The following MDN1 variants were observed in gnomAD, a reference collection of about 807,000 sequenced individuals.
MDN1 encodes the protein midasin AAA ATPase 1.
A neutral mutation model predicts 669.2 loss-of-function variants in MDN1; 266 were observed. That is an observed-to-expected ratio of 0.40 (90% CI 0.36 to 0.44). MDN1 has a LOEUF of 0.44. MDN1 is among the 20% of genes least tolerant of loss of function. MDN1 has a pLI of 1.00. For synonymous variants in MDN1, 2,385 were observed against 2,457.1 expected, an observed-to-expected ratio of 0.97 and a Z score of 0.87; for missense variants, 5,940 against 6,754.0, an observed-to-expected ratio of 0.88 and a Z score of 4.22.
Position 89,785,008 on chromosome 6 carries a change from G to A in MDN1, c.1449+4C>T, listed in dbSNP as rs758811291. 6.3e-6 allele frequency: 10 copies of A among 1,590,678 alleles called. No homozygotes were observed. Among genetic ancestry groups the A allele is most frequent in the South Asian group, 3.3e-5 (3 of 90,566 alleles). On this transcript the variant is annotated splice_donor_region_variant and intron_variant, in intron 9 of 101. Transcript: ENST00000369393. The stretch of plus-strand genomic sequence containing the variant: ...AGCATTGATACTTTCCAAGACCCAC[G>A]TACCTCATTCAGTTCTCTCTTATCC...
At chr6:89,812,037 A>T (rs1455241496) in intron 1 of MDN1, among the ~76,000 whole-genome samples, 1 of 151,242 alleles carries the variant, frequency 6.6e-6, no homozygotes, top group African/African-American at 2.4e-5. Flanking sequence ...CCCTGGCTGG[A>T]GTGCAGTGCC....
intron 16 of MDN1, among the ~76,000 whole-genome samples, chr6:89,762,103 TACTG>T (rs1817574551): frequency 6.6e-6 from 1 of 152,220 alleles, no homozygotes; most frequent in Non-Finnish European, 1.5e-5. Context: ...AAATGTGCCT[TACTG>T]ACCACTAAAT....
chr6:89,646,192 G>C (rs1808481377), intron 100 of MDN1, among the ~76,000 whole-genome samples: 1 of 152,170 alleles, frequency 6.6e-6, no homozygotes. Context: ...TGTGTAAGTA[G>C]ACCTGATCTG....
At position 89,799,934 on chromosome 6, in the gene MDN1, T is replaced by G. The variant is rs540148912; in HGVS notation, c.329+3394A>C. 5.9e-5 allele frequency among the ~76,000 whole-genome samples: 9 copies of G among 152,216 alleles called. No homozygotes were observed. The South Asian group carries it at 1.9e-3, about 32-fold the overall frequency. ...TCAATCACACCTGAGTTTATGTTAA[T>G]GAGGTGACAATGGGAAAGTCCCTAA... is the stretch of plus-strand genomic sequence containing the variant. On this transcript the variant is annotated intron_variant, in intron 2 of 101. Transcript: ENST00000369393.
intron 22 of MDN1, among the ~76,000 whole-genome samples, chr6:89,753,072 GAGA>G (rs1817038900): frequency 1.3e-5 from 2 of 151,942 alleles, no homozygotes; most frequent in Non-Finnish European, 2.9e-5. Context: ...GCCGTGAGCT[GAGA>G]TTACACTACT....
chr6:89,778,887 AAAATAAAT>A lies in MDN1; in HGVS notation c.1725+1317_1725+1324del, dbSNP rs548314772. Among the ~76,000 whole-genome samples the A allele has an allele frequency of 1.3e-3, 169 of 130,344 alleles. 1 individual carries two copies. The highest frequency in any genetic ancestry group is 4.4e-3 in the African/African-American group (154 of 35,054). The allele number at this position is 130,344 out of a possible 152,430, so 85.5% of individuals were successfully genotyped here. On this transcript the variant is annotated intron_variant, in intron 11 of 101. Transcript: ENST00000369393. ...GGTAATAGAGCGAGACTATGTCTCAAAAATAAATAAATAAATAAATAAATAAATAAATA... is the reference window on the plus strand; with the variant it reads ...GGTAATAGAGCGAGACTATGTCTCAAAAATAAATAAATAAATAAATAAATA...
chr6:89,693,260 A>G (rs1365124414), intron 62 of MDN1, 112 bp from the exon 63 acceptor site: 2 of 683,578 alleles, frequency 2.9e-6, no homozygotes, highest in Admixed American at 3.0e-5. Flanking sequence ...CTGCGAAATA[A>G]TATTTCCAAT....
At chr6:89,656,912 A>G in intron 90 of MDN1, 111 bp from the exon 91 acceptor site, 2 of 906,694 alleles carry the variant, frequency 2.2e-6, no homozygotes, top group Non-Finnish European at 3.4e-6. Flanking sequence ...ATTCTCAGTC[A>G]TATAATCACT....
intron 59 of MDN1, among the ~76,000 whole-genome samples, chr6:89,698,302 T>C (rs1211490970): frequency 3.3e-5 from 5 of 152,224 alleles, no homozygotes; most frequent in Non-Finnish European, 7.3e-5. Flanking sequence ...TGGACAAAGA[T>C]GTATACTAGG....
intron 13 of MDN1, 133 bp from the exon 14 acceptor site, chr6:89,772,854 C>G: frequency 3.1e-6 from 3 of 974,988 alleles, no homozygotes; most frequent in Non-Finnish European, 4.4e-6. Flanking sequence ...CAAGCTATAC[C>G]AGATAATCTT....
At chr6:89,779,869 C>T (rs932841655) in intron 11 of MDN1, among the ~76,000 whole-genome samples, 2 of 151,962 alleles carry the variant, frequency 1.3e-5, no homozygotes, top group Non-Finnish European at 2.9e-5. Context: ...AGATCGAGAC[C>T]AGCCTGGCCA....
chr6:89,719,043 G>A lies in MDN1; in HGVS notation c.6058-13C>T. On this transcript the variant is annotated splice_polypyrimidine_tract_variant and intron_variant, in intron 41 of 101. Coordinates refer to ENST00000369393, the MANE Select transcript of MDN1 (RefSeq NM_014611.3). ...CTGAGTAGCCCAACTGAAAAGACAT[G>A]CCAGTGAGATTTCCATAAGCGTGCC... The A allele has an allele frequency of 3.7e-6, 6 of 1,613,962 alleles. No homozygotes were observed. Among genetic ancestry groups the A allele is most frequent in the Non-Finnish European group, 5.1e-6 (6 of 1,179,840 alleles).
In MDN1 at chr6:89,705,988, G is replaced by A. The variant is rs1813487767; in HGVS notation, c.8148+71C>T. On this transcript the variant is annotated intron_variant, in intron 53 of 101. Coordinates refer to ENST00000369393, the MANE Select transcript of MDN1 (RefSeq NM_014611.3). ...TATAACAACACTAAAGTTAGTCTTA[G>A]CCCTAAGAATCTTTATGCCAAGAAA... 3 of 1,390,294 alleles carry A rather than the reference G, an allele frequency of 2.2e-6. No individual in the cohort carries two copies. In the South Asian group the frequency reaches 4.8e-5, roughly 22 times the overall value. The allele number at this position is 1,390,294 out of a possible 1,614,324, so 86.1% of individuals were successfully genotyped here.
chr6:89,773,587 A>G (rs1818216635), intron 13 of MDN1, among the ~76,000 whole-genome samples: 2 of 151,956 alleles, frequency 1.3e-5, no homozygotes, highest in Admixed American at 1.3e-4. Flanking sequence ...CACACAAGGA[A>G]GAAGGGCCAC....
chr6:89,762,016 C>T (rs1053039303), intron 16 of MDN1, among the ~76,000 whole-genome samples: 1 of 152,150 alleles, frequency 6.6e-6, no homozygotes, highest in Non-Finnish European at 1.5e-5. Context: ...GATAAGGAAC[C>T]ACACAGAAGT....
In MDN1 at chr6:89,662,154, T is replaced by C. The variant is rs755730890; in HGVS notation, c.14498A>G (p.Glu4833Gly). ...KDKSQQDKKE[E>G]KEEAEADDGG... ...ATCATCAGCTTCTGCTTCTTCCTTT[T>C]CTTCCTTCTTATCTTGCTGGCTTTT... The change falls in exon 87 of 102, where the codon GAA (glutamate) becomes GGA (glycine). Residue 4833 changes from glutamate to glycine, a missense_variant. By Grantham distance (98) the Glu-to-Gly change is moderately conservative. Around this residue, in one of 5 missense-constraint regions of MDN1, gnomAD observed 2,280 missense variants for 2,576.3 expected, o/e 0.88. Transcript: ENST00000369393. 10 of 1,614,016 alleles carry C rather than the reference T, an allele frequency of 6.2e-6. No individual in the cohort carries two copies. Among genetic ancestry groups the C allele is most frequent in the African/African-American group, 1.3e-5 (1 of 74,936 alleles).
At chr6:89,752,046 G>A (rs1816982547) in intron 22 of MDN1, among the ~76,000 whole-genome samples, 2 of 152,208 alleles carry the variant, frequency 1.3e-5, no homozygotes, top group South Asian at 2.1e-4. Flanking sequence ...TAATATTGTG[G>A]ATGATGGCAT....
At chr6:89,719,586 T>C (rs1814672100) in intron 40 of MDN1, among the ~76,000 whole-genome samples, 1 of 152,208 alleles carries the variant, frequency 6.6e-6, no homozygotes, top group South Asian at 2.1e-4. Context: ...GATAGAACAG[T>C]AATACGAAGA....
chr6:89,699,586 T>TA lies in MDN1; in HGVS notation c.8997+14dup. 2 of 1,609,352 alleles carry TA rather than the reference T, an allele frequency of 1.2e-6. No individual in the cohort carries two copies. On this transcript the variant is annotated intron_variant, in intron 58 of 101. Coordinates refer to ENST00000369393, the MANE Select transcript of MDN1 (RefSeq NM_014611.3). ...CATAATGTAAAGGAGGCTTATGTCT[T>TA]ATTGTGATTTTTACCTTCTGATGAT...
Sources: allele counts gnomAD v4.1 joint callset (sites outside exome capture counted in the v4.1 genomes callset), GRCh38; gene constraint gnomAD v4.1.1; regional missense constraint gnomAD v4.1.1; transcripts MANE v1.5; gene names NCBI Gene and HGNC (gene_info 2026-07-23, HGNC 2026-07-21).